Variants in FCRL2 observed in about 807,000 individuals in gnomAD.
FCRL2 encodes Fc receptor like 2, also known as Fc receptor-like protein 2.
A neutral mutation model predicts 59.8 loss-of-function variants in FCRL2; 48 were observed. The observed-to-expected ratio is 0.80, with a 90% CI of 0.64 to 1.02. The LOEUF (loss-of-function observed/expected upper bound fraction) is 1.02. Among genes scored for constraint, FCRL2 ranks in the 50% least tolerant of loss-of-function variants. The pLI is 0.00. For missense variants in FCRL2, 658 were observed against 597.3 expected, an observed-to-expected ratio of 1.10 and a Z score of -1.06; for synonymous variants, 251 against 229.5, an observed-to-expected ratio of 1.09 and a Z score of -0.85.
chr1:157,755,400 T>C (rs1214910746), intron 7 of FCRL2, among the ~76,000 whole-genome samples: 2 of 152,220 alleles, frequency 1.3e-5, no homozygotes, highest in African/African-American at 4.8e-5. Context: ...TAAACAAGCA[T>C]GTTTATGACA....
intron 7 of FCRL2, among the ~76,000 whole-genome samples, chr1:157,750,304 A>G (rs1407702934): frequency 6.6e-6 from 1 of 152,228 alleles, no homozygotes; most frequent in Non-Finnish European, 1.5e-5. Context: ...TCCTCCATTA[A>G]TACCTCAGGA....
At chr1:157,760,695 GAAGGAAAGAAAGAAAGAAA>G (rs1648976359) in intron 7 of FCRL2, among the ~76,000 whole-genome samples, 4 of 121,874 alleles carry the variant, frequency 3.3e-5, no homozygotes, top group African/African-American at 1.4e-4. Flanking sequence ...AAGAAAGAAA[GAAGGAAAGAAAGAAAGAAA>G]GAAAGAAAGA....
At chr1:157,765,015 A>G (rs1649389329) in intron 7 of FCRL2, among the ~76,000 whole-genome samples, 1 of 152,168 alleles carries the variant, frequency 6.6e-6, no homozygotes, top group South Asian at 2.1e-4. Context: ...AATACAAAGG[A>G]TCAATAAAAC....
At chr1:157,762,759 C>A (rs563383843) in intron 7 of FCRL2, among the ~76,000 whole-genome samples, 52 of 152,250 alleles carry the variant, frequency 3.4e-4, no homozygotes, top group Non-Finnish European at 1.3e-4. Context: ...ACACTCCAAC[C>A]TTCCAGGCCA....
At chr1:157,762,213 A>C (rs2101714696) in intron 7 of FCRL2, among the ~76,000 whole-genome samples, 1 of 152,052 alleles carries the variant, frequency 6.6e-6, no homozygotes, top group East Asian at 1.9e-4. Flanking sequence ...ACTGATACCT[A>C]CCCGCATGCA....
intron 7 of FCRL2, among the ~76,000 whole-genome samples, chr1:157,757,060 C>T (rs1296083221): frequency 6.6e-6 from 1 of 152,160 alleles, no homozygotes; most frequent in Non-Finnish European, 1.5e-5. Context: ...CATTGTTTTG[C>T]AGTGTGACTC....
rs1321420842 is a variant in FCRL2 at position 157,770,575 on chromosome 1, C to T, written c.144G>A (p.Lys48=). 1.2e-6 allele frequency: 2 copies of T among 1,614,100 alleles called. No homozygotes were observed. The highest frequency in any genetic ancestry group is 2.2e-5 in the East Asian group (1 of 44,900). ...CTTTGTTATCCTTATGGTAAGCCAT[C>T]TTCTGAATTTTCCAGTTCTGTTCTC... is the stretch of plus-strand genomic sequence containing the variant. ...CQGEQNWKIQ[K]MAYHKDNKEL... Residue 48 remains lysine, a synonymous_variant, in exon 3 of 12, where the codon AAG becomes AAA. Coordinates refer to ENST00000361516, the MANE Select transcript of FCRL2 (RefSeq NM_030764.4).
chr1:157,762,028 G>C (rs918383368), intron 7 of FCRL2, among the ~76,000 whole-genome samples: 4 of 152,274 alleles, frequency 2.6e-5, no homozygotes, highest in South Asian at 4.2e-4. Flanking sequence ...AGAGCAGAGA[G>C]GATCAGGGAG....
Position 157,768,594 on chromosome 1 carries a change from C to T in FCRL2, c.703G>A (p.Val235Ile), listed in dbSNP as rs1463547134. 1.2e-6 allele frequency: 2 copies of T among 1,614,210 alleles called. No homozygotes were observed. Among genetic ancestry groups the T allele is most frequent in the Admixed American group, 1.7e-5 (1 of 60,028 alleles). ...LCSVAGGTGN[V>I]TFSWYREATG... The stretch of plus-strand genomic sequence containing the variant: ...GCCTCTCTGTACCAGGAGAATGTGA[C>T]ATTTCCTGTACCCCCAGCCACTGAG... Residue 235 changes from valine to isoleucine, a missense_variant, in exon 5 of 12, where the codon GTC becomes ATC. Coordinates refer to ENST00000361516, the MANE Select transcript of FCRL2 (RefSeq NM_030764.4).
At chr1:157,774,424 T>C (rs902365556) in intron 2 of FCRL2, 8 of 456,344 alleles carry the variant, frequency 1.8e-5, no homozygotes, top group African/African-American at 1.4e-4. Context: ...CTCTTTCCAG[T>C]ACATCATGCT....
chr1:157,752,798 G>T (rs1190831005), intron 7 of FCRL2, among the ~76,000 whole-genome samples: 1 of 152,054 alleles, frequency 6.6e-6, no homozygotes, highest in Non-Finnish European at 1.5e-5. Flanking sequence ...CACACTCTTG[G>T]ATAGAAACAT....
At position 157,748,537 on chromosome 1, in the gene FCRL2, C is replaced by T. The variant is rs1259394389; in HGVS notation, c.1459+16G>A. ...GTGAATATGCATCTGACAAGAACTA[C>T]TTTGCAGTTTCTCACCTGAGCTTTC... On this transcript the variant is annotated intron_variant, in intron 10 of 11. Coordinates refer to ENST00000361516, the MANE Select transcript of FCRL2 (RefSeq NM_030764.4). The T allele has an allele frequency of 5.0e-6, 8 of 1,609,770 alleles. No individual in the cohort carries two copies. Among genetic ancestry groups the T allele is most frequent in the Non-Finnish European group, 6.8e-6 (8 of 1,176,320 alleles).
At chr1:157,765,702 T>C (rs1649440661) in intron 7 of FCRL2, among the ~76,000 whole-genome samples, 1 of 152,232 alleles carries the variant, frequency 6.6e-6, no homozygotes, top group African/African-American at 2.4e-5. Flanking sequence ...TGGTGTTATA[T>C]GTGGAAATTT....
At position 157,748,673 on chromosome 1, in the gene FCRL2, A is replaced by T. The variant is rs1365195732; in HGVS notation, c.1394-55T>A. On this transcript the variant is annotated intron_variant, in intron 9 of 11. Coordinates refer to ENST00000361516, the MANE Select transcript of FCRL2 (RefSeq NM_030764.4). Reference sequence around the variant, plus strand: ...GTTGGTGGCCCAGGGTTCACACTTCATACACAGCTTCCCAGGCCCTGGCTT... The same window carrying T: ...GTTGGTGGCCCAGGGTTCACACTTCTTACACAGCTTCCCAGGCCCTGGCTT... 4.1e-6 allele frequency: 6 copies of T among 1,454,192 alleles called. No homozygotes were observed. The African/African-American group carries it at 8.4e-5, about 20-fold the overall frequency. 90.1% of individuals were successfully genotyped at this position (1,454,192 alleles called of 1,614,324 possible).
At chr1:157,758,490 T>C (rs1395975978) in intron 7 of FCRL2, among the ~76,000 whole-genome samples, 4 of 150,986 alleles carry the variant, frequency 2.6e-5, no homozygotes, top group Non-Finnish European at 4.4e-5. Context: ...CACAAACAAA[T>C]GAAAAAATAT....
At chr1:157,769,285 A>G (rs1163699148) in intron 4 of FCRL2, 1 of 155,784 alleles carries the variant, frequency 6.4e-6, no homozygotes, top group Non-Finnish European at 1.4e-5. Context: ...CTAAATGCCA[A>G]GGCATACAGT....
At chr1:157,749,791 A>G (rs1278988639) in intron 7 of FCRL2, 114 bp from the exon 8 acceptor site, 3 of 654,972 alleles carry the variant, frequency 4.6e-6, no homozygotes, top group African/African-American at 1.8e-5. Context: ...ATAGAAGAGT[A>G]ATCCAATTGT....
chr1:157,765,337 G>A (rs1649410776), intron 7 of FCRL2, among the ~76,000 whole-genome samples: 1 of 152,116 alleles, frequency 6.6e-6, no homozygotes, highest in South Asian at 2.1e-4. Flanking sequence ...AGGACTGGAT[G>A]GATTTACTGT....
chr1:157,748,504 A>T, intron 10 of FCRL2, 49 bp downstream of exon 10: 1 of 1,255,676 alleles, frequency 8.0e-7, no homozygotes, highest in Non-Finnish European at 1.2e-6. Context: ...ACAATGCATC[A>T]CTTTCCTGTG....
Sources: gnomAD v4.1 joint callset for allele counts (sites outside exome capture counted in the v4.1 genomes callset) on GRCh38, gnomAD v4.1.1 for gene constraint, MANE v1.5 for transcripts, NCBI Gene and HGNC (gene_info 2026-07-23, HGNC 2026-07-21) for gene names.